RGS22: variants seen among roughly 807,000 people sequenced by gnomAD.
RGS22 encodes regulator of G protein signaling 22.
Under a neutral mutation model 172.9 loss-of-function variants are expected in RGS22, and 148 were observed. The observed-to-expected ratio is 0.86, with a 90% CI of 0.75 to 0.98. The LOEUF (loss-of-function observed/expected upper bound fraction) is 0.98. Among genes scored for constraint, RGS22 ranks in the 50% least tolerant of loss-of-function variants. The pLI is 0.00. For synonymous variants in RGS22, 458 were observed against 480.2 expected, an observed-to-expected ratio of 0.95 and a Z score of 0.60; for missense variants, 1,347 against 1,440.8, an observed-to-expected ratio of 0.93 and a Z score of 1.05.
intron 14 of RGS22, among the ~76,000 whole-genome samples, chr8:100,014,475 G>A (rs1362354032): frequency 6.6e-6 from 1 of 152,140 alleles, no homozygotes; most frequent in African/African-American, 2.4e-5. Flanking sequence ...TGAACTCAAA[G>A]ATCACTAAAA....
intron 14 of RGS22, among the ~76,000 whole-genome samples, chr8:100,016,485 A>C (rs1200591209): frequency 6.6e-6 from 1 of 151,996 alleles, no homozygotes; most frequent in Non-Finnish European, 1.5e-5. Context: ...CTTAAGAATA[A>C]TACACTCTCC....
At chr8:100,075,291 T>C (rs1045659502) in intron 4 of RGS22, among the ~76,000 whole-genome samples, 2 of 152,114 alleles carry the variant, frequency 1.3e-5, no homozygotes, top group African/African-American at 4.8e-5. Flanking sequence ...AATAAGTGAG[T>C]TCTCACTGTT....
chr8:100,067,998 T>C (rs1242096539), intron 6 of RGS22, among the ~76,000 whole-genome samples: 2 of 152,166 alleles, frequency 1.3e-5, no homozygotes, highest in Non-Finnish European at 1.5e-5. Flanking sequence ...CCAATTATCA[T>C]GAAGATTAAT....
At position 100,047,556 on chromosome 8, in the gene RGS22, T is replaced by G. The variant is rs756281626; in HGVS notation, c.1730A>C (p.Asn577Thr). ...TGCTGTTTTTACTTCAGGTGATTTA[T>G]TGGGAGATTTAGGAGGTTGTGATAA... ...FSLSQPPKSP[N>T]KSPEVKTATQ... is the part of the protein sequence containing the mutation. Residue 577 changes from asparagine to threonine, a missense_variant, in exon 11 of 28, where the codon AAT (asparagine) becomes ACT (threonine). Transcript: ENST00000360863. The G allele has an allele frequency of 5.0e-6, 8 of 1,613,136 alleles. No homozygotes were observed. In the South Asian group the frequency reaches 8.8e-5, roughly 18 times the overall value.
At chr8:100,104,174 C>T (rs1813721363) in intron 2 of RGS22, among the ~76,000 whole-genome samples, 1 of 152,082 alleles carries the variant, frequency 6.6e-6, no homozygotes, top group Non-Finnish European at 1.5e-5. Flanking sequence ...AAAAATTAGC[C>T]AGGCGTGCTG....
In RGS22 at chr8:100,002,306, G is replaced by C. The variant is rs772854946; in HGVS notation, c.2686C>G (p.Arg896Gly). The C allele has an allele frequency of 1.2e-5, 19 of 1,610,952 alleles. No individual in the cohort carries two copies. The highest frequency in any genetic ancestry group is 3.3e-4 in the Middle Eastern group (2 of 5,972). The change falls in exon 18 of 28, where the codon CGA (arginine) becomes GGA (glycine). Residue 896 changes from arginine to glycine, a missense_variant. By Grantham distance (125) the Arg-to-Gly change is moderately radical. Transcript: ENST00000360863. ...ATAGATTTTGCCTTCCTTTGATTTC[G>C]ATCTCTGTAAGTTATTCTCCGGAAC... Reference protein sequence around the residue: ...EQFRRITYRDRNQRKAKSIYI... With the variant: ...EQFRRITYRDGNQRKAKSIYI...
intron 15 of RGS22, among the ~76,000 whole-genome samples, chr8:100,007,874 A>G (rs1815899774): frequency 6.6e-6 from 1 of 151,732 alleles, no homozygotes; most frequent in Non-Finnish European, 1.5e-5. Flanking sequence ...TCAAGTGGGT[A>G]AATACTTTCC....
intron 20 of RGS22, among the ~76,000 whole-genome samples, chr8:99,989,823 C>T (rs1006155826): frequency 2.6e-5 from 4 of 151,458 alleles, no homozygotes; most frequent in South Asian, 2.1e-4. Flanking sequence ...CCAGCCTGAG[C>T]GACAGAGCGA....
intron 4 of RGS22, among the ~76,000 whole-genome samples, chr8:100,073,750 C>T (rs757999648): frequency 2.6e-5 from 4 of 152,196 alleles, no homozygotes; most frequent in Admixed American, 6.5e-5. Flanking sequence ...TCAAACTAGT[C>T]AGTTCATTCA....
intron 23 of RGS22, among the ~76,000 whole-genome samples, chr8:99,977,550 AT>A (rs1812105573): frequency 1.3e-5 from 2 of 152,176 alleles, no homozygotes; most frequent in Non-Finnish European, 2.9e-5. Flanking sequence ...GTAAGGACTT[AT>A]AAAACAAGGA....
chr8:100,065,644 C>G (rs1211554646), intron 7 of RGS22, among the ~76,000 whole-genome samples: 1 of 152,080 alleles, frequency 6.6e-6, no homozygotes, highest in African/African-American at 2.4e-5. Flanking sequence ...TCAGTATATC[C>G]ACAAAGCTCC....
chr8:100,047,446 C>CA lies in RGS22; in HGVS notation c.1823+16dup. 1 of 1,574,332 alleles carries CA rather than the reference C, an allele frequency of 6.4e-7. No homozygotes were observed. The highest frequency in any genetic ancestry group is 1.4e-5 in the African/African-American group (1 of 72,666). On this transcript the variant is annotated intron_variant, in intron 11 of 27. Coordinates refer to ENST00000360863, the MANE Select transcript of RGS22 (RefSeq NM_015668.5). ...GTATTGCAGAAAAGCACTTAACACACAAAAAGTTGCACCTACCCTTTCTCA... is the reference window on the plus strand; with the variant it reads ...GTATTGCAGAAAAGCACTTAACACACAAAAAAGTTGCACCTACCCTTTCTCA...
chr8:100,088,436 C>G (rs1054983976), intron 3 of RGS22, among the ~76,000 whole-genome samples: 1 of 151,700 alleles, frequency 6.6e-6, no homozygotes, highest in African/African-American at 2.4e-5. Context: ...CAAAACAAAG[C>G]CAAAAGGAAA....
Position 100,008,572 on chromosome 8 carries a change from GA to G in RGS22, c.2167-4del. 1 of 1,604,502 alleles carries G rather than the reference GA, an allele frequency of 6.2e-7. No individual in the cohort carries two copies. The highest frequency in any genetic ancestry group is 8.5e-7 in the Non-Finnish European group (1 of 1,175,984). The stretch of plus-strand genomic sequence containing the variant: ...GCAACGTATGTGGCAAAAAGATACT[GA>G]AGGAGAAGAGGGAAGAAGGGAGAAG... On this transcript the variant is annotated splice_region_variant and splice_polypyrimidine_tract_variant and intron_variant, in intron 14 of 27. Transcript: ENST00000360863.
intron 3 of RGS22, among the ~76,000 whole-genome samples, chr8:100,092,975 C>CT (rs1484431405): frequency 2.0e-5 from 3 of 152,162 alleles, no homozygotes; most frequent in African/African-American, 7.2e-5. Context: ...AGTTCCTTGA[C>CT]TTTTTTGATA....
At position 100,013,009 on chromosome 8, in the gene RGS22, G is replaced by A. The variant is rs559733208; in HGVS notation, c.2167-4440C>T. ...TTTTTTTTTTTTTTTTTTTTGAGAC[G>A]GAGTCAGTCTCGCTTTATCACCCAG... On this transcript the variant is annotated intron_variant, in intron 14 of 27. Coordinates refer to ENST00000360863, the MANE Select transcript of RGS22 (RefSeq NM_015668.5). Among the ~76,000 whole-genome samples, 37 of 134,094 alleles carry A rather than the reference G, an allele frequency of 2.8e-4. No homozygotes were observed. In the South Asian group the frequency reaches 8.6e-3, roughly 31 times the overall value. 88.0% of individuals were successfully genotyped at this position (134,094 alleles called of 152,430 possible).
chr8:100,043,112 G>A (rs554994164), intron 11 of RGS22, among the ~76,000 whole-genome samples: 2 of 152,216 alleles, frequency 1.3e-5, no homozygotes, highest in East Asian at 1.9e-4. Context: ...GCCTATTATC[G>A]GATTTCTTGT....
intron 10 of RGS22, among the ~76,000 whole-genome samples, chr8:100,049,088 G>A (rs1346190851): frequency 1.3e-5 from 2 of 152,114 alleles, no homozygotes; most frequent in African/African-American, 4.8e-5. Context: ...TTAGGTGAAA[G>A]CTAGAAGTAC....
Position 100,087,536 on chromosome 8 carries a change from GACGT to G in RGS22, c.117+5907_117+5910del, listed in dbSNP as rs1017324775. Among the ~76,000 whole-genome samples, 1,080 of 152,218 alleles carry G rather than the reference GACGT, an allele frequency of 7.1e-3. 18 individuals carry two copies. Among genetic ancestry groups the G allele is most frequent in the African/African-American group, 0.024 (998 of 41,540 alleles). ...GAAAAAAAACCTGTGAATAATTAGT[GACGT>G]ACTTAAACTGCCAGCCCAGCACCAG... On this transcript the variant is annotated intron_variant, in intron 3 of 27. Transcript: ENST00000360863.
Sources: allele counts gnomAD v4.1 joint callset (sites outside exome capture counted in the v4.1 genomes callset), GRCh38; gene constraint gnomAD v4.1.1; transcripts MANE v1.5; gene names NCBI Gene and HGNC (gene_info 2026-07-23, HGNC 2026-07-21).